RIT2: variants seen among roughly 807,000 people sequenced by gnomAD.
RIT2 encodes GTP-binding protein Rit2.
RIT2 carries 24 observed loss-of-function variants against 23.7 expected under a neutral mutation model. The observed-to-expected ratio is 1.01, with a 90% CI of 0.73 to 1.43. The LOEUF is 1.43. Among genes scored for constraint, RIT2 ranks in the 40% most tolerant of loss-of-function variants. The pLI is 0.00. For missense variants in RIT2, 236 were observed against 266.9 expected, an observed-to-expected ratio of 0.88 and a Z score of 0.81; for synonymous variants, 107 against 91.1, an observed-to-expected ratio of 1.17 and a Z score of -0.99.
Position 42,924,439 on chromosome 18 carries a change from ATCT to A in RIT2, c.235-679_235-677del, listed in dbSNP as rs568025417. On this transcript the variant is annotated intron_variant, in intron 3 of 4. Transcript: ENST00000326695. ...GTTTCTACATTCTGCTGACTCTTTC[ATCT>A]TCTTTCAACTACAACTTCTCGGTGA... 1.3e-4 allele frequency among the ~76,000 whole-genome samples: 19 copies of A among 151,614 alleles called. No individual in the cohort carries two copies. The South Asian group carries it at 4.0e-3, about 32-fold the overall frequency.
At chr18:42,793,977 T>A (rs1914098591) in intron 4 of RIT2, among the ~76,000 whole-genome samples, 1 of 152,138 alleles carries the variant, frequency 6.6e-6, no homozygotes, top group Non-Finnish European at 1.5e-5. Flanking sequence ...TTACAATTTC[T>A]CATTAGCACC....
intron 4 of RIT2, among the ~76,000 whole-genome samples, chr18:42,749,264 T>C (rs1225926472): frequency 6.6e-6 from 1 of 151,918 alleles, no homozygotes; most frequent in Non-Finnish European, 1.5e-5. Context: ...TTCAAAATAT[T>C]TGAAACGAAA....
chr18:42,933,519 C>CTGGA (rs1425578671), intron 3 of RIT2, among the ~76,000 whole-genome samples: 2 of 152,132 alleles, frequency 1.3e-5, no homozygotes, highest in African/African-American at 2.4e-5. Context: ...AGGCGGTTAC[C>CTGGA]TCCATGCTGT....
At chr18:42,838,697 A>T (rs1369791219) in intron 4 of RIT2, among the ~76,000 whole-genome samples, 1 of 152,162 alleles carries the variant, frequency 6.6e-6, no homozygotes, top group Non-Finnish European at 1.5e-5. Context: ...TCCTATAGAC[A>T]TGTTGCCTTT....
intron 4 of RIT2, among the ~76,000 whole-genome samples, chr18:42,818,231 TAC>T (rs1906051980): frequency 6.6e-6 from 1 of 152,102 alleles, no homozygotes; most frequent in Admixed American, 6.6e-5. Flanking sequence ...CATTATCTGA[TAC>T]ACACAGTTAA....
At chr18:42,888,207 CT>C (rs965581041) in intron 4 of RIT2, among the ~76,000 whole-genome samples, 7 of 151,340 alleles carry the variant, frequency 4.6e-5, no homozygotes, top group African/African-American at 1.2e-4. Flanking sequence ...GAATATACCA[CT>C]GTGGCGGGGG....
chr18:43,105,100 C>CTGTGTGTGTGTG (rs756311809), intron 1 of RIT2, among the ~76,000 whole-genome samples: 132 of 143,056 alleles, frequency 9.2e-4, no homozygotes, highest in African/African-American at 3.3e-3. Flanking sequence ...AGGCAGTGTG[C>CTGTGTGTGTGTG]TGTGTGTGTG....
At chr18:43,098,026 A>G (rs1913595972) in intron 1 of RIT2, among the ~76,000 whole-genome samples, 1 of 151,980 alleles carries the variant, frequency 6.6e-6, no homozygotes, top group Admixed American at 6.6e-5. Flanking sequence ...ATAAAACTTG[A>G]AAATTAAAAA....
At chr18:43,065,517 CATT>C (rs1912752003) in intron 1 of RIT2, among the ~76,000 whole-genome samples, 1 of 152,068 alleles carries the variant, frequency 6.6e-6, no homozygotes. Flanking sequence ...GGTGGGCACT[CATT>C]AGTAGAACTT....
At chr18:42,997,654 A>G (rs994224760) in intron 2 of RIT2, among the ~76,000 whole-genome samples, 3 of 151,832 alleles carry the variant, frequency 2.0e-5, no homozygotes, top group African/African-American at 7.3e-5. Context: ...AGCATCTACG[A>G]ATTTATTTGG....
At chr18:42,929,313 T>C (rs573892903) in intron 3 of RIT2, among the ~76,000 whole-genome samples, 1 of 152,026 alleles carries the variant, frequency 6.6e-6, no homozygotes, top group African/African-American at 2.4e-5. Flanking sequence ...AAACTAGATC[T>C]GCAGTATCAG....
At chr18:42,963,862 C>T (rs1910149478) in intron 3 of RIT2, among the ~76,000 whole-genome samples, 1 of 152,158 alleles carries the variant, frequency 6.6e-6, no homozygotes, top group East Asian at 1.9e-4. Context: ...CACCACTGCA[C>T]TCCAGCCTGG....
At chr18:42,973,957 C>T in intron 3 of RIT2, 117 bp downstream of exon 3, 2 of 619,118 alleles carry the variant, frequency 3.2e-6, no homozygotes, top group Non-Finnish European at 5.6e-6. Flanking sequence ...TGATTGTTAT[C>T]ACAAATTTGT....
intron 4 of RIT2, among the ~76,000 whole-genome samples, chr18:42,746,314 T>C (rs74498215): frequency 0.019 from 2,821 of 152,212 alleles, 88 homozygotes; most frequent in African/African-American, 0.065. Context: ...ACAGTCAATA[T>C]AAATGCATTA....
At chr18:42,961,709 G>T (rs1910097118) in intron 3 of RIT2, among the ~76,000 whole-genome samples, 1 of 152,162 alleles carries the variant, frequency 6.6e-6, no homozygotes, top group Admixed American at 6.5e-5. Context: ...TGAGCCACTG[G>T]GTGTGTTGCT....
chr18:42,909,925 C>T (rs934783101), intron 4 of RIT2, among the ~76,000 whole-genome samples: 4 of 152,054 alleles, frequency 2.6e-5, no homozygotes, highest in Admixed American at 6.6e-5. Flanking sequence ...GAGCAAAAGA[C>T]GAACACCATC....
intron 3 of RIT2, among the ~76,000 whole-genome samples, chr18:42,940,457 G>T (rs117650824): frequency 5.7e-4 from 86 of 151,026 alleles, no homozygotes; most frequent in Non-Finnish European, 1.1e-3. Context: ...CTTCACAGGG[G>T]CACTGTGTTA....
intron 4 of RIT2, among the ~76,000 whole-genome samples, chr18:42,909,645 T>C (rs777709833): frequency 2.6e-5 from 4 of 152,202 alleles, no homozygotes; most frequent in South Asian, 2.1e-4. Context: ...AACCCACCTA[T>C]ACCTAAAGAT....
chr18:42,897,897 T>C (rs1279229204), intron 4 of RIT2, among the ~76,000 whole-genome samples: 1 of 152,210 alleles, frequency 6.6e-6, no homozygotes, highest in Non-Finnish European at 1.5e-5. Context: ...AATAAATAAA[T>C]GCTTCAGTCT....
Sources: gnomAD v4.1 joint callset for allele counts (sites outside exome capture counted in the v4.1 genomes callset) on GRCh38, gnomAD v4.1.1 for gene constraint, MANE v1.5 for transcripts, NCBI Gene and HGNC (gene_info 2026-07-23, HGNC 2026-07-21) for gene names.